MTBP: variants seen among roughly 807,000 people sequenced by gnomAD.
MTBP encodes MDM2 binding protein.
A neutral mutation model predicts 117.0 loss-of-function variants in MTBP; 101 were observed. The ratio of observed to expected loss-of-function variants is 0.86; its 90% CI spans 0.73 to 1.02. The LOEUF (loss-of-function observed/expected upper bound fraction) is 1.02. Among genes scored for constraint, MTBP ranks in the 50% least tolerant of loss-of-function variants. The pLI is 0.00. For missense variants in MTBP, 970 were observed against 1,030.9 expected (o/e 0.94, Z 0.81); for synonymous variants, 350 against 351.5 (o/e 1.00, Z 0.05).
At chr8:120,520,608 G>A (rs1238527012) in intron 20 of MTBP, among the ~76,000 whole-genome samples, 1 of 151,998 alleles carries the variant, frequency 6.6e-6, no homozygotes, top group Non-Finnish European at 1.5e-5. Flanking sequence ...CATAATTATG[G>A]AATTTCACAC....
intron 2 of MTBP, among the ~76,000 whole-genome samples, chr8:120,450,285 T>C (rs1813311420): frequency 6.6e-6 from 1 of 152,168 alleles, no homozygotes; most frequent in South Asian, 2.1e-4. Context: ...GAGAGGATGT[T>C]ACAGGGATTA....
At chr8:120,514,079 G>A (rs1184719903) in intron 17 of MTBP, among the ~76,000 whole-genome samples, 1 of 151,682 alleles carries the variant, frequency 6.6e-6, no homozygotes, top group Non-Finnish European at 1.5e-5. Flanking sequence ...TTTAAAAAGT[G>A]TGTATTTTTA....
At chr8:120,448,386 CTTTCAGTG>C (rs1449426934) in intron 2 of MTBP, among the ~76,000 whole-genome samples, 1 of 152,186 alleles carries the variant, frequency 6.6e-6, no homozygotes, top group Non-Finnish European at 1.5e-5. Flanking sequence ...TTGAAGATTG[CTTTCAGTG>C]TTAGCACTTT....
rs141842314 is a variant in MTBP, at chr8:120,517,961, C to G, written c.2357C>G (p.Pro786Arg). 224 of 1,612,640 alleles carry G rather than the reference C, an allele frequency of 1.4e-4. No homozygotes were observed. The highest frequency in any genetic ancestry group is 1.7e-4 in the Non-Finnish European group (203 of 1,179,102). ...SRKPQTERSL[P>R]VTCPLVPIPS... ...AAGCCACAAACAGAACGGTCCTTAC[C>G]AGTGACTTGTCCATTGGTTCCAATT... Residue 786 changes from proline to arginine, a missense_variant, in exon 19 of 22, where the codon CCA (proline) becomes CGA (arginine). Pro to Arg is a moderately radical substitution (Grantham distance 103). Coordinates refer to ENST00000305949, the MANE Select transcript of MTBP (RefSeq NM_022045.5).
At chr8:120,448,075 G>A (rs1401883872) in intron 2 of MTBP, among the ~76,000 whole-genome samples, 1 of 151,960 alleles carries the variant, frequency 6.6e-6, no homozygotes, top group Non-Finnish European at 1.5e-5. Flanking sequence ...GGGACTATAG[G>A]CATGAGCCAC....
intron 1 of MTBP, among the ~76,000 whole-genome samples, chr8:120,446,220 G>C (rs575701723): frequency 5.3e-5 from 8 of 152,222 alleles, no homozygotes; most frequent in African/African-American, 1.9e-4. Context: ...TTTTGCATTC[G>C]TGCTAACTGA....
intron 16 of MTBP, among the ~76,000 whole-genome samples, chr8:120,508,790 C>T (rs1814742425): frequency 6.6e-6 from 1 of 152,268 alleles, no homozygotes; most frequent in South Asian, 2.1e-4. Context: ...TATTTAAAGA[C>T]CACTGTTGCA....
chr8:120,502,337 C>T (rs2130601915), intron 14 of MTBP, among the ~76,000 whole-genome samples, 155 bp from the exon 15 acceptor site: 1 of 152,122 alleles, frequency 6.6e-6, no homozygotes, highest in Admixed American at 6.5e-5. Flanking sequence ...CAGTTTAGGC[C>T]ATCAGAGAGG....
chr8:120,519,368 CT>C (rs1402554134), intron 20 of MTBP, among the ~76,000 whole-genome samples: 2 of 152,022 alleles, frequency 1.3e-5, no homozygotes, highest in African/African-American at 4.8e-5. Flanking sequence ...CAAGGGATGA[CT>C]GTGTAGTAAA....
At chr8:120,522,809 T>TGATTACTGCTG in intron 21 of MTBP, 90 bp downstream of exon 21, 1 of 956,012 alleles carries the variant, frequency 1.0e-6, no homozygotes, top group Non-Finnish European at 1.6e-6. Flanking sequence ...GCAGCAGTAA[T>TGATTACTGCTG]CAGTTACTGG....
intron 11 of MTBP, among the ~76,000 whole-genome samples, chr8:120,476,071 G>C (rs1206303791): frequency 1.3e-5 from 2 of 151,964 alleles, no homozygotes; most frequent in Non-Finnish European, 2.9e-5. Flanking sequence ...TAATGTCACA[G>C]GGTGGAATTA....
intron 16 of MTBP, among the ~76,000 whole-genome samples, chr8:120,509,376 C>T (rs1007577069): frequency 2.6e-5 from 4 of 152,048 alleles, no homozygotes; most frequent in Admixed American, 6.6e-5. Flanking sequence ...CTGAGGCCGG[C>T]GGATCACTTG....
intron 1 of MTBP, 125 bp from the exon 2 acceptor site, chr8:120,446,308 T>C: frequency 1.5e-6 from 1 of 651,758 alleles, no homozygotes; most frequent in Non-Finnish European, 2.7e-6. Flanking sequence ...TGAACAGATC[T>C]TGAGCAGCGT....
At chr8:120,520,216 TAGAA>T (rs1225964300) in intron 20 of MTBP, among the ~76,000 whole-genome samples, 1 of 152,024 alleles carries the variant, frequency 6.6e-6, no homozygotes, top group Non-Finnish European at 1.5e-5. Context: ...ATAATTCTCA[TAGAA>T]AGAAGATAAT....
intron 17 of MTBP, among the ~76,000 whole-genome samples, chr8:120,514,625 T>C (rs1814883656): frequency 6.6e-6 from 1 of 152,058 alleles, no homozygotes. Flanking sequence ...AAAGTCAGGC[T>C]CTGAAGTCAC....
chr8:120,461,118 T>C (rs1436735254), intron 8 of MTBP, 43 bp from the exon 9 acceptor site: 2 of 1,374,712 alleles, frequency 1.5e-6, no homozygotes, highest in African/African-American at 2.9e-5. Context: ...TTTACTTTTG[T>C]TTATGGTATT....
At chr8:120,510,781 G>A (rs1329739819) in intron 17 of MTBP, among the ~76,000 whole-genome samples, 1 of 151,932 alleles carries the variant, frequency 6.6e-6, no homozygotes, top group Non-Finnish European at 1.5e-5. Flanking sequence ...GTGTATGTGT[G>A]TGCCTGTAGT....
intron 20 of MTBP, among the ~76,000 whole-genome samples, chr8:120,520,017 A>C (rs575869279): frequency 2.0e-5 from 3 of 152,280 alleles, no homozygotes; most frequent in East Asian, 3.9e-4. Context: ...CTCTACCTTG[A>C]AAAGAAACCA....
At chr8:120,454,321 C>G (rs569444556) in intron 5 of MTBP, among the ~76,000 whole-genome samples, 4 of 152,106 alleles carry the variant, frequency 2.6e-5, no homozygotes, top group African/African-American at 9.6e-5. Flanking sequence ...TATGCATTGT[C>G]AAATGGAATG....
Sources: allele counts gnomAD v4.1 joint callset (sites outside exome capture counted in the v4.1 genomes callset), GRCh38; gene constraint gnomAD v4.1.1; transcripts MANE v1.5; gene names NCBI Gene and HGNC (gene_info 2026-07-23, HGNC 2026-07-21).